ATRNL1: variants seen among roughly 807,000 people sequenced by gnomAD.
The protein encoded by ATRNL1 is attractin like 1, also known as attractin-like protein 1.
ATRNL1 carries 95 observed loss-of-function variants against 182.7 expected under a neutral mutation model. That is an observed-to-expected ratio of 0.52 (90% confidence interval 0.44 to 0.62). ATRNL1 has a LOEUF of 0.62. Ranked by LOEUF, ATRNL1 falls within the 20% of genes least tolerant of loss-of-function variation. The probability of loss-of-function intolerance (pLI) is 0.00; values close to 1 mark genes in which losing one functional copy is unlikely to be tolerated. For missense variants in ATRNL1, 1,471 were observed against 1,679.5 expected (o/e 0.88, Z 2.17); for synonymous variants, 576 against 568.3 (o/e 1.01, Z -0.19).
rs143193928 is a variant in ATRNL1, at chr10:115,931,286, C to T, written c.4019-13372C>T. Among the ~76,000 whole-genome samples, 7 of 152,264 alleles carry T rather than the reference C, an allele frequency of 4.6e-5. No individual in the cohort carries two copies. The East Asian group carries it at 1.4e-3, about 29-fold the overall frequency. ...GGATTAAGAGACTACGAAACTAAAT[C>T]TGATTAAATTATACTTTTTGAAACC... On this transcript the variant is annotated intron_variant, in intron 28 of 28. Transcript: ENST00000355044.
At chr10:115,520,878 A>G (rs1377905734) in intron 25 of ATRNL1, among the ~76,000 whole-genome samples, 2 of 152,162 alleles carry the variant, frequency 1.3e-5, no homozygotes, top group Non-Finnish European at 2.9e-5. Flanking sequence ...ATGTTCATCC[A>G]TGCACCTTAA....
chr10:115,780,655 GC>G (rs1259222110), intron 27 of ATRNL1, among the ~76,000 whole-genome samples: 6 of 152,158 alleles, frequency 3.9e-5, no homozygotes, highest in African/African-American at 1.2e-4. Context: ...GAGTCATGAG[GC>G]CCCCTTTCCA....
At chr10:115,800,995 G>A (rs1445527495) in intron 27 of ATRNL1, among the ~76,000 whole-genome samples, 3 of 152,218 alleles carry the variant, frequency 2.0e-5, no homozygotes, top group Admixed American at 6.5e-5. Context: ...TCTCAGGCCT[G>A]TCTTCAGAAA....
At chr10:115,208,747 A>C (rs1037001259) in intron 8 of ATRNL1, among the ~76,000 whole-genome samples, 1 of 152,026 alleles carries the variant, frequency 6.6e-6, no homozygotes, top group Non-Finnish European at 1.5e-5. Flanking sequence ...CGTTTTGCAC[A>C]TGCAGATCAG....
At chr10:115,337,112 C>T (rs1207438828) in intron 19 of ATRNL1, among the ~76,000 whole-genome samples, 7 of 151,810 alleles carry the variant, frequency 4.6e-5, no homozygotes, top group African/African-American at 1.7e-4. Context: ...CTGTCTGCCT[C>T]AGCCTCCCAA....
intron 7 of ATRNL1, among the ~76,000 whole-genome samples, chr10:115,170,753 T>C (rs2144088155): frequency 6.6e-6 from 1 of 152,238 alleles, no homozygotes; most frequent in African/African-American, 2.4e-5. Flanking sequence ...TCTCTTACTG[T>C]ATGACAATTA....
intron 13 of ATRNL1, among the ~76,000 whole-genome samples, chr10:115,276,494 A>G (rs1489122222): frequency 6.6e-6 from 1 of 152,224 alleles, no homozygotes; most frequent in Non-Finnish European, 1.5e-5. Context: ...AGATAGTGTA[A>G]GAGAGCAGAT....
intron 13 of ATRNL1, among the ~76,000 whole-genome samples, chr10:115,273,063 A>G (rs1851942349): frequency 6.6e-6 from 1 of 152,190 alleles, no homozygotes. Context: ...ACCTTCCTCC[A>G]GGTAGCTGGC....
At chr10:115,189,039 C>A (rs960666075) in intron 8 of ATRNL1, among the ~76,000 whole-genome samples, 2 of 152,094 alleles carry the variant, frequency 1.3e-5, no homozygotes, top group Non-Finnish European at 2.9e-5. Context: ...TTATGCCATG[C>A]ACAATATTTC....
At chr10:115,807,873 C>A (rs782146295) in intron 27 of ATRNL1, among the ~76,000 whole-genome samples, 5 of 152,118 alleles carry the variant, frequency 3.3e-5, no homozygotes, top group Admixed American at 6.6e-5. Flanking sequence ...TTTATGTGCT[C>A]ATCTGAGCGT....
At chr10:115,379,680 C>T (rs143779500) in intron 19 of ATRNL1, among the ~76,000 whole-genome samples, 40 of 152,252 alleles carry the variant, frequency 2.6e-4, no homozygotes, top group African/African-American at 9.1e-4. Flanking sequence ...GTCTTTACTA[C>T]TTGATGACAG....
chr10:115,638,851 T>A lies in ATRNL1; in HGVS notation c.3796-88397T>A, dbSNP rs147008009. Among the ~76,000 whole-genome samples, 9 of 152,292 alleles carry A rather than the reference T, an allele frequency of 5.9e-5. No homozygotes were observed. The South Asian group carries it at 1.9e-3, about 32-fold the overall frequency. ...GAAATTGCGGATAAAACAATAGTAT[T>A]CACTCTGCAGATAAAATAGAGTGAA... On this transcript the variant is annotated intron_variant, in intron 26 of 28. Coordinates refer to ENST00000355044, the MANE Select transcript of ATRNL1 (RefSeq NM_207303.4).
At chr10:115,764,193 G>A (rs997783142) in intron 27 of ATRNL1, among the ~76,000 whole-genome samples, 1 of 152,028 alleles carries the variant, frequency 6.6e-6, no homozygotes, top group African/African-American at 2.4e-5. Context: ...AAAATTTAGA[G>A]GTAGGTACTG....
intron 19 of ATRNL1, among the ~76,000 whole-genome samples, chr10:115,383,631 A>G (rs1554951801): frequency 6.6e-6 from 1 of 152,016 alleles, no homozygotes; most frequent in African/African-American, 2.4e-5. Context: ...GAAAATTGCA[A>G]AATTCAGCAT....
intron 13 of ATRNL1, among the ~76,000 whole-genome samples, chr10:115,269,366 A>T (rs1220378402): frequency 1.3e-5 from 2 of 152,018 alleles, no homozygotes; most frequent in African/African-American, 2.4e-5. Context: ...ACAGAGTCTC[A>T]CTCCATCACC....
chr10:115,811,019 C>T (rs182281602), intron 27 of ATRNL1, among the ~76,000 whole-genome samples: 56 of 151,816 alleles, frequency 3.7e-4, no homozygotes, highest in Admixed American at 2.4e-3. Flanking sequence ...ATTTCCTTCT[C>T]TCTCTTTAGG....
intron 8 of ATRNL1, among the ~76,000 whole-genome samples, chr10:115,204,325 T>C (rs1476546689): frequency 4.6e-5 from 7 of 152,140 alleles, no homozygotes; most frequent in Non-Finnish European, 8.8e-5. Context: ...TCTTGTATTA[T>C]GTTGAATAGA....
intron 8 of ATRNL1, among the ~76,000 whole-genome samples, chr10:115,191,577 A>G (rs1554889855): frequency 6.6e-6 from 1 of 152,130 alleles, no homozygotes; most frequent in Non-Finnish European, 1.5e-5. Flanking sequence ...ATCCCCACGT[A>G]TCAAGGAATA....
intron 24 of ATRNL1, among the ~76,000 whole-genome samples, chr10:115,502,296 C>T (rs546459247): frequency 6.6e-6 from 1 of 151,540 alleles, no homozygotes; most frequent in African/African-American, 2.4e-5. Flanking sequence ...CTCTAGGGAC[C>T]CTAATATCTT....
Sources: allele counts gnomAD v4.1 joint callset (sites outside exome capture counted in the v4.1 genomes callset), GRCh38; gene constraint gnomAD v4.1.1; transcripts MANE v1.5; gene names NCBI Gene and HGNC (gene_info 2026-07-23, HGNC 2026-07-21).